ZMIZ1: variants seen among roughly 807,000 people sequenced by gnomAD.
ZMIZ1 encodes zinc finger MIZ domain-containing protein 1.
In ZMIZ1, 17 loss-of-function variants were observed where a neutral mutation model predicts 113.9. The observed-to-expected ratio is 0.15, with a 90% CI of 0.10 to 0.22. The LOEUF (loss-of-function observed/expected upper bound fraction) is 0.22. Ranked by LOEUF, ZMIZ1 falls within the 10% of genes least tolerant of loss-of-function variation. The pLI is 1.00. For missense variants in ZMIZ1, 1,059 were observed against 1,477.8 expected (o/e 0.72, Z 4.65); for synonymous variants, 607 against 603.1 (o/e 1.01, Z -0.09).
chr10:79,196,697 G>A lies in ZMIZ1; in HGVS notation c.-49-4887G>A, dbSNP rs557034299. ...AGAACTGCCTCTGAGCCCTGTGGTC[G>A]CCAGCTGGGTGGATCTAAGCTCCTG... is the stretch of plus-strand genomic sequence containing the variant. On this transcript the variant is annotated intron_variant, in intron 4 of 24. Transcript: ENST00000334512. Among the ~76,000 whole-genome samples the A allele has an allele frequency of 3.9e-5, 6 of 152,324 alleles. No individual in the cohort carries two copies. The East Asian group carries it at 5.8e-4, about 15-fold the overall frequency.
chr10:79,177,006 C>T (rs1435841364), intron 4 of ZMIZ1, among the ~76,000 whole-genome samples: 1 of 152,224 alleles, frequency 6.6e-6, no homozygotes, highest in Non-Finnish European at 1.5e-5. Context: ...CCTCAGGGAT[C>T]CCACAAGAGG....
rs1844348374 is a variant in ZMIZ1 at position 79,122,637 on chromosome 10, A to C, written c.-227+3613A>C. Among the ~76,000 whole-genome samples the C allele has an allele frequency of 2.0e-5, 3 of 152,240 alleles. No homozygotes were observed. The South Asian group carries it at 6.2e-4, about 32-fold the overall frequency. On this transcript the variant is annotated intron_variant, in intron 2 of 24. Coordinates refer to ENST00000334512, the MANE Select transcript of ZMIZ1 (RefSeq NM_020338.4). ...ACTCTGTGATACCTTCAGTAGCTGC[A>C]ATGACCTCTTGCACTATAGAGTTCT... is the stretch of plus-strand genomic sequence containing the variant.
intron 7 of ZMIZ1, among the ~76,000 whole-genome samples, chr10:79,250,958 G>A (rs1036973986): frequency 2.0e-5 from 3 of 152,300 alleles, no homozygotes; most frequent in South Asian, 2.1e-4. Context: ...GCGCAAGGCC[G>A]GAAGACCATC....
intron 1 of ZMIZ1, among the ~76,000 whole-genome samples, chr10:79,089,112 A>G (rs1433157831): frequency 6.6e-6 from 1 of 152,194 alleles, no homozygotes; most frequent in Non-Finnish European, 1.5e-5. Flanking sequence ...CTCCGACAGG[A>G]CAGCGCTGAG....
chr10:79,242,156 G>A (rs1239031668), intron 7 of ZMIZ1, among the ~76,000 whole-genome samples: 1 of 152,060 alleles, frequency 6.6e-6, no homozygotes, highest in Non-Finnish European at 1.5e-5. Flanking sequence ...TTCCAGGGGT[G>A]TCTAAGGGGC....
chr10:79,168,688 G>A (rs909410046), intron 4 of ZMIZ1, among the ~76,000 whole-genome samples: 4 of 152,196 alleles, frequency 2.6e-5, no homozygotes, highest in South Asian at 2.1e-4. Flanking sequence ...GCTGTGCATC[G>A]TGTGGCGCAT....
chr10:79,252,221 T>G (rs988840734), intron 7 of ZMIZ1, among the ~76,000 whole-genome samples: 6 of 152,032 alleles, frequency 3.9e-5, no homozygotes, highest in African/African-American at 1.4e-4. Flanking sequence ...GTACCCACCC[T>G]GCCTAGAATT....
chr10:79,154,999 G>T (rs534444075), intron 3 of ZMIZ1, among the ~76,000 whole-genome samples: 1 of 152,282 alleles, frequency 6.6e-6, no homozygotes, highest in Admixed American at 6.5e-5. Flanking sequence ...CAACAACTCT[G>T]TGAGAGTAGT....
At chr10:79,273,760 C>T (rs1282656850) in intron 7 of ZMIZ1, among the ~76,000 whole-genome samples, 1 of 152,280 alleles carries the variant, frequency 6.6e-6, no homozygotes, top group Non-Finnish European at 1.5e-5. Flanking sequence ...TTCCTCTCCA[C>T]GCCCCTTGGC....
At chr10:79,173,650 T>C (rs1487943035) in intron 4 of ZMIZ1, among the ~76,000 whole-genome samples, 1 of 152,228 alleles carries the variant, frequency 6.6e-6, no homozygotes, top group Non-Finnish European at 1.5e-5. Context: ...TGTTAATCAC[T>C]ATGTTATCCT....
chr10:79,303,255 G>A (rs1854451374), intron 18 of ZMIZ1, among the ~76,000 whole-genome samples: 1 of 151,840 alleles, frequency 6.6e-6, no homozygotes, highest in Non-Finnish European at 1.5e-5. Flanking sequence ...AGGAATTCAA[G>A]ACTAGCCTGG....
intron 1 of ZMIZ1, among the ~76,000 whole-genome samples, chr10:79,080,300 CTTTTTTTTTTTTTTT>C (rs10592440): frequency 1.2e-5 from 1 of 85,022 alleles, no homozygotes; most frequent in Non-Finnish European, 2.1e-5. Context: ...TCGGGTGTGA[CTTTTTTTTTTTTTTT>C]TTTTTTTTTG....
At position 79,298,594 on chromosome 10, in the gene ZMIZ1, C is replaced by G. The variant is rs1425501436; in HGVS notation, c.1666+14C>G. 4 of 1,588,526 alleles carry G rather than the reference C, an allele frequency of 2.5e-6. No individual in the cohort carries two copies. Among genetic ancestry groups the G allele is most frequent in the East Asian group, 4.6e-5 (2 of 43,204 alleles). On this transcript the variant is annotated intron_variant, in intron 15 of 24. Transcript: ENST00000334512. ...CACCACCCCCAGGTGAGGGCCCTCC[C>G]TCCCTCTCTTGGCAGCTCCACCTGG...
chr10:79,146,371 A>G (rs1845484693), intron 3 of ZMIZ1, among the ~76,000 whole-genome samples: 1 of 152,188 alleles, frequency 6.6e-6, no homozygotes, highest in Admixed American at 6.5e-5. Flanking sequence ...TTCCCAAGCA[A>G]CAGACCAAAG....
At chr10:79,164,966 C>G (rs1484444948) in intron 4 of ZMIZ1, among the ~76,000 whole-genome samples, 1 of 152,168 alleles carries the variant, frequency 6.6e-6, no homozygotes, top group African/African-American at 2.4e-5. Context: ...CCAGTGCCTG[C>G]TCCCCGCTGA....
intron 1 of ZMIZ1, among the ~76,000 whole-genome samples, chr10:79,070,705 T>G (rs1842242554): frequency 6.6e-6 from 1 of 151,962 alleles, no homozygotes; most frequent in African/African-American, 2.4e-5. Context: ...TTGGTACCCT[T>G]GCCTGACCGG....
At chr10:79,196,628 C>A (rs1422591964) in intron 4 of ZMIZ1, among the ~76,000 whole-genome samples, 1 of 152,194 alleles carries the variant, frequency 6.6e-6, no homozygotes, top group Non-Finnish European at 1.5e-5. Context: ...TTGCTGTTAA[C>A]TTCTTAAAGC....
chr10:79,103,854 G>C (rs1299715103), intron 1 of ZMIZ1, among the ~76,000 whole-genome samples: 2 of 152,168 alleles, frequency 1.3e-5, no homozygotes, highest in Non-Finnish European at 2.9e-5. Context: ...CGTAGGTGGA[G>C]GTGCAGAGTG....
chr10:79,173,386 G>C (rs1237193997), intron 4 of ZMIZ1, among the ~76,000 whole-genome samples: 1 of 152,174 alleles, frequency 6.6e-6, no homozygotes, highest in Non-Finnish European at 1.5e-5. Flanking sequence ...GAAGCCAAAA[G>C]ATTGGATGTC....
Sources: allele counts gnomAD v4.1 joint callset (sites outside exome capture counted in the v4.1 genomes callset), GRCh38; gene constraint gnomAD v4.1.1; transcripts MANE v1.5; gene names NCBI Gene and HGNC (gene_info 2026-07-23, HGNC 2026-07-21).